WDR33: variants seen among roughly 807,000 people sequenced by gnomAD.
WDR33 encodes the protein pre-mRNA 3' end processing protein WDR33.
In WDR33, 47 loss-of-function variants were observed where a neutral mutation model predicts 164.9. The ratio of observed to expected loss-of-function variants is 0.29; its 90% confidence interval spans 0.23 to 0.36. The LOEUF (loss-of-function observed/expected upper bound fraction) is 0.36, where lower values mean the gene tolerates loss of function less well. WDR33 is among the 10% of genes least tolerant of loss of function. The pLI, the probability that WDR33 is intolerant of heterozygous loss-of-function variation, is 1.00. For missense variants in WDR33, 1,137 were observed against 1,754.1 expected, an observed-to-expected ratio of 0.65 and a Z score of 6.28; for synonymous variants, 505 against 589.0, an observed-to-expected ratio of 0.86 and a Z score of 2.06.
At chr2:127,728,422 C>G (rs988575285) in intron 7 of WDR33, among the ~76,000 whole-genome samples, 1 of 152,000 alleles carries the variant, frequency 6.6e-6, no homozygotes. Context: ...GTCTAGACAC[C>G]GAATTGTTAA....
intron 7 of WDR33, among the ~76,000 whole-genome samples, chr2:127,747,931 T>C (rs563359548): frequency 6.6e-6 from 1 of 152,302 alleles, no homozygotes; most frequent in Admixed American, 6.5e-5. Flanking sequence ...CACGCTCCTG[T>C]TGGACAATCT....
chr2:127,746,041 T>TA (rs59854828), intron 7 of WDR33, among the ~76,000 whole-genome samples: 6,810 of 99,832 alleles, frequency 0.068, 283 homozygotes, highest in East Asian at 0.19. Context: ...ATAAAATAAT[T>TA]AAAAAAAAAA....
chr2:127,734,644 G>A (rs1686794925), intron 7 of WDR33, among the ~76,000 whole-genome samples: 1 of 152,106 alleles, frequency 6.6e-6, no homozygotes, highest in Non-Finnish European at 1.5e-5. Flanking sequence ...TGTTATTGGT[G>A]CTCAACCTCT....
At chr2:127,740,065 A>G (rs2105400979) in intron 7 of WDR33, among the ~76,000 whole-genome samples, 1 of 152,344 alleles carries the variant, frequency 6.6e-6, no homozygotes, top group East Asian at 1.9e-4. Flanking sequence ...GATACTACTA[A>G]GAAAAACAGC....
At chr2:127,786,844 CTTTTTTTTTTT>C (rs71307273) in intron 1 of WDR33, among the ~76,000 whole-genome samples, 2 of 111,876 alleles carry the variant, frequency 1.8e-5, no homozygotes, top group Non-Finnish European at 3.7e-5. Flanking sequence ...CCTTTCTGTT[CTTTTTTTTTTT>C]TTTTTTTTAA....
chr2:127,787,827 G>A (rs1688650083), intron 1 of WDR33, among the ~76,000 whole-genome samples: 2 of 102,022 alleles, frequency 2.0e-5, no homozygotes, highest in Non-Finnish European at 2.0e-5. Flanking sequence ...GGGGCGGCTG[G>A]CCGGGCGGGG....
In WDR33 at chr2:127,703,669, G is replaced by T. The variant is rs189387315; in HGVS notation, c.*2654C>A. The T allele has an allele frequency of 1.5e-3, 254 of 167,134 alleles. 1 individual carries two copies. The highest frequency in any genetic ancestry group is 3.4e-3 in the Middle Eastern group (1 of 296). The allele number at this position is 167,134 out of a possible 1,614,324, so 10.4% of individuals were successfully genotyped here. A position where few individuals can be genotyped will look rare whatever the true frequency, so the allele number is the denominator to read the frequency against. On this transcript the variant is annotated 3_prime_UTR_variant, in exon 22 of 22. Coordinates refer to ENST00000322313, the MANE Select transcript of WDR33 (RefSeq NM_018383.5). ...AGAGCAAATGCAGTATCTTCAGAAT[G>T]ATTTATTTTTTTAATTAATTGTAAA...
intron 1 of WDR33, among the ~76,000 whole-genome samples, chr2:127,801,177 G>T (rs770148924): frequency 1.3e-5 from 2 of 151,944 alleles, no homozygotes; most frequent in Non-Finnish European, 2.9e-5. Context: ...CCAGCCGCTC[G>T]GGAGGCTAAG....
At chr2:127,806,513 T>C (rs191459533) in intron 1 of WDR33, among the ~76,000 whole-genome samples, 2 of 152,256 alleles carry the variant, frequency 1.3e-5, no homozygotes, top group Admixed American at 6.5e-5. Flanking sequence ...GGCCTCTCTT[T>C]AGTTGTTTTC....
At chr2:127,707,229 TAAAAAA>T (rs200273049) in intron 21 of WDR33, among the ~76,000 whole-genome samples, 1 of 122,594 alleles carries the variant, frequency 8.2e-6, no homozygotes, top group Non-Finnish European at 1.7e-5. Context: ...AGAATATATT[TAAAAAA>T]AAAAAAAAAA....
chr2:127,808,298 T>C (rs954177172), intron 1 of WDR33, among the ~76,000 whole-genome samples: 5 of 152,356 alleles, frequency 3.3e-5, no homozygotes, highest in Non-Finnish European at 1.5e-5. Flanking sequence ...TTTAATTAAC[T>C]GACCCAATAT....
At chr2:127,759,179 ATGG>A (rs1687605100) in intron 7 of WDR33, among the ~76,000 whole-genome samples, 5 of 152,200 alleles carry the variant, frequency 3.3e-5, no homozygotes, top group Admixed American at 2.6e-4. Context: ...ATCCTTTGTA[ATGG>A]TGGACATATA....
chr2:127,791,322 C>G (rs1178889408), intron 1 of WDR33, among the ~76,000 whole-genome samples: 1 of 152,024 alleles, frequency 6.6e-6, no homozygotes, highest in Non-Finnish European at 1.5e-5. Flanking sequence ...CCACAGCCAA[C>G]CCACACTTCC....
chr2:127,723,237 T>G lies in WDR33; in HGVS notation c.1291+16A>C, dbSNP rs2105383722. On this transcript the variant is annotated intron_variant, in intron 12 of 21. Coordinates refer to ENST00000322313, the MANE Select transcript of WDR33 (RefSeq NM_018383.5). This position sits in a 1 kb window ranked among gnomAD's most constrained non-coding sequence, Gnocchi z 5.9. Reference sequence around the variant, plus strand: ...ATACCAGATTTCAAAGAAGGACAGATGTGCAAGAGTCTCACCATATTCTAC... The same window carrying G: ...ATACCAGATTTCAAAGAAGGACAGAGGTGCAAGAGTCTCACCATATTCTAC... 1 of 1,604,288 alleles carries G rather than the reference T, an allele frequency of 6.2e-7. No individual in the cohort carries two copies. The highest frequency in any genetic ancestry group is 1.3e-5 in the African/African-American group (1 of 74,800).
At chr2:127,787,367 G>T (rs1394572069) in intron 1 of WDR33, among the ~76,000 whole-genome samples, 1 of 119,774 alleles carries the variant, frequency 8.3e-6, no homozygotes, top group Non-Finnish European at 1.7e-5. Flanking sequence ...TCAATGAGCT[G>T]TTGGGCACAC....
intron 1 of WDR33, among the ~76,000 whole-genome samples, chr2:127,772,447 A>C (rs1437528337): frequency 6.6e-6 from 1 of 151,912 alleles, no homozygotes; most frequent in Admixed American, 6.5e-5. Context: ...AAAAAAAAAA[A>C]TTCCACTTAG....
At position 127,750,112 on chromosome 2, in the gene WDR33, T is replaced by C. The variant is rs550767919; in HGVS notation, c.724+12950A>G. On this transcript the variant is annotated intron_variant, in intron 7 of 21. Transcript: ENST00000322313. Reference sequence around the variant, plus strand: ...AATCTTGGCTCACTGCAGCCTCAGATTTCCCAGGTTCAAGAGATCCTCCTA... The same window carrying C: ...AATCTTGGCTCACTGCAGCCTCAGACTTCCCAGGTTCAAGAGATCCTCCTA... 4.6e-5 allele frequency among the ~76,000 whole-genome samples: 7 copies of C among 152,178 alleles called. No homozygotes were observed. The South Asian group carries it at 1.2e-3, about 27-fold the overall frequency.
intron 1 of WDR33, among the ~76,000 whole-genome samples, chr2:127,784,123 C>T (rs955093341): frequency 6.6e-6 from 1 of 152,076 alleles, no homozygotes; most frequent in South Asian, 2.1e-4. Context: ...TAGTATCTAG[C>T]TTAATTGAAA....
intron 17 of WDR33, among the ~76,000 whole-genome samples, chr2:127,715,088 CTTTT>C (rs386391178): frequency 3.7e-5 from 4 of 108,578 alleles, no homozygotes; most frequent in Non-Finnish European, 5.5e-5. Context: ...TTCTTTGTTT[CTTTT>C]TTTTTTTTTT....
Sources: gnomAD v4.1 joint callset for allele counts (sites outside exome capture counted in the v4.1 genomes callset) on GRCh38, gnomAD v4.1.1 for gene constraint, Gnocchi (gnomAD v3.1) non-coding constraint, MANE v1.5 for transcripts, NCBI Gene and HGNC (gene_info 2026-07-23, HGNC 2026-07-21) for gene names.